Variants in SYT7 observed in about 807,000 individuals in gnomAD.
SYT7 encodes synaptotagmin-7.
Under a neutral mutation model 75.1 loss-of-function variants are expected in SYT7, and 29 were observed. The observed-to-expected ratio is 0.39, with a 90% CI of 0.29 to 0.53. SYT7 has a LOEUF of 0.53. Among genes scored for constraint, SYT7 ranks in the 20% least tolerant of loss-of-function variants. The pLI is 0.77. For missense variants in SYT7, 693 were observed against 953.2 expected, an observed-to-expected ratio of 0.73 and a Z score of 3.59; for synonymous variants, 376 against 401.7, an observed-to-expected ratio of 0.94 and a Z score of 0.76.
chr11:61,562,225 C>A (rs147352179), intron 1 of SYT7, among the ~76,000 whole-genome samples: 88 of 152,282 alleles, frequency 5.8e-4, no homozygotes, highest in African/African-American at 1.9e-3. Flanking sequence ...ATTTCTCCTG[C>A]CTCTGAGTTC....
chr11:61,556,489 C>T (rs776762252), intron 1 of SYT7, among the ~76,000 whole-genome samples: 5 of 152,202 alleles, frequency 3.3e-5, no homozygotes, highest in Non-Finnish European at 4.4e-5. Context: ...GGATCTGTGC[C>T]GGCCTCCAAA....
At chr11:61,543,317 G>A (rs2063100385) in intron 5 of SYT7, among the ~76,000 whole-genome samples, 1 of 152,158 alleles carries the variant, frequency 6.6e-6, no homozygotes, top group Admixed American at 6.5e-5. Flanking sequence ...GTGCACACAG[G>A]GTGGAACCCA....
In SYT7 at chr11:61,551,482, G is replaced by T. The variant is rs369362536; in HGVS notation, c.136-19C>A. Reference sequence around the variant, plus strand: ...GTTTGCCCTGTGGAGATAGCACTAGGATCACTCCTGGGGAACAGGACTGTA... The same window carrying T: ...GTTTGCCCTGTGGAGATAGCACTAGTATCACTCCTGGGGAACAGGACTGTA... On this transcript the variant is annotated intron_variant, in intron 2 of 12. Coordinates refer to ENST00000539008, the MANE Select transcript of SYT7 (RefSeq NM_001365809.2). This position sits in a 1 kb window ranked among gnomAD's most constrained non-coding sequence, Gnocchi z 5.3. 11 of 1,612,526 alleles carry T rather than the reference G, an allele frequency of 6.8e-6. No homozygotes were observed. The highest frequency in any genetic ancestry group is 1.3e-5 in the African/African-American group (1 of 74,992).
At chr11:61,552,881 C>T (rs1411700246) in intron 2 of SYT7, among the ~76,000 whole-genome samples, 1 of 152,232 alleles carries the variant, frequency 6.6e-6, no homozygotes, top group East Asian at 1.9e-4. Flanking sequence ...CTCATCCCTC[C>T]AGGCTCTCAT....
rs1172853407 is a variant in SYT7, at chr11:61,556,272, A to G, written c.32-65T>C. The G allele has an allele frequency of 1.1e-5, 15 of 1,389,566 alleles. No individual in the cohort carries two copies. In the East Asian group the frequency reaches 3.4e-4, roughly 32 times the overall value. 86.1% of individuals were successfully genotyped at this position (1,389,566 alleles called of 1,614,324 possible). A position where few individuals can be genotyped will look rare whatever the true frequency, so the allele number is the denominator to read the frequency against. On this transcript the variant is annotated intron_variant, in intron 1 of 12. Transcript: ENST00000539008. ...GGCCTGCCACCCTCCCTCAGCCCAG[A>G]GCCCTCCAGAACCACCACCCTACCC...
chr11:61,547,045 G>C, intron 4 of SYT7, 132 bp downstream of exon 4: 1 of 1,171,830 alleles, frequency 8.5e-7, no homozygotes. Context: ...GTGGATGGGT[G>C]GGGAAGTTGG....
chr11:61,562,055 CACACACACACACGCACGCACGT>C (rs1407771197), intron 1 of SYT7, among the ~76,000 whole-genome samples: 2 of 151,546 alleles, frequency 1.3e-5, no homozygotes, highest in Non-Finnish European at 2.9e-5. Context: ...TATGCACACA[CACACACACACACGCACGCACGT>C]ACACACACAC....
intron 1 of SYT7, among the ~76,000 whole-genome samples, chr11:61,566,317 C>A (rs1385833236): frequency 1.3e-5 from 2 of 152,230 alleles, no homozygotes; most frequent in Non-Finnish European, 2.9e-5. Context: ...CCCTACCTCC[C>A]ACAATTCCTG....
chr11:61,587,312 T>G, the SYT7 span, among the ~76,000 whole-genome samples: 3 of 152,174 alleles, frequency 2.0e-5, no homozygotes, highest in African/African-American at 7.2e-5. Context: ...AGTCTGGTAG[T>G]GTGGGGTGGG....
chr11:61,566,116 C>T (rs887984879), intron 1 of SYT7, among the ~76,000 whole-genome samples: 4 of 152,258 alleles, frequency 2.6e-5, no homozygotes, highest in Non-Finnish European at 4.4e-5. Context: ...GCCTTCCCTA[C>T]CTCTGCTGTC....
intron 1 of SYT7, among the ~76,000 whole-genome samples, chr11:61,565,250 G>A (rs1006145714): frequency 6.6e-6 from 1 of 152,198 alleles, no homozygotes; most frequent in East Asian, 1.9e-4. Context: ...CTGAGCAGAT[G>A]GAAATGGGGG....
chr11:61,533,252 C>T (rs376170240), intron 7 of SYT7, 128 bp from the exon 8 acceptor site: 35 of 1,446,418 alleles, frequency 2.4e-5, no homozygotes, highest in Non-Finnish European at 3.0e-5. Context: ...CCGGCAGGAG[C>T]GGTACTCCAG....
At chr11:61,568,011 C>T (rs2063820632) in intron 1 of SYT7, among the ~76,000 whole-genome samples, 1 of 152,226 alleles carries the variant, frequency 6.6e-6, no homozygotes, top group South Asian at 2.1e-4. Context: ...CTTGTTTAAA[C>T]AAACACCAAC....
upstream of SYT7, among the ~76,000 whole-genome samples, chr11:61,582,663 GA>G (rs1044102216): frequency 3.0e-4 from 46 of 152,196 alleles, 1 homozygote; most frequent in Middle Eastern, 0.014. Flanking sequence ...AAAATGGAAG[GA>G]AAAAAGGCAT....
chr11:61,561,349 G>A (rs1294503966), intron 1 of SYT7, among the ~76,000 whole-genome samples: 2 of 152,226 alleles, frequency 1.3e-5, no homozygotes, highest in Admixed American at 1.3e-4. Context: ...TGTCTTGGGA[G>A]TGAGGTATGA....
intron 1 of SYT7, among the ~76,000 whole-genome samples, chr11:61,573,780 C>T (rs1228096615): frequency 1.3e-5 from 2 of 152,160 alleles, no homozygotes; most frequent in Admixed American, 6.5e-5. Context: ...GTGCTGTCCC[C>T]ACCTCACCAA....
At chr11:61,583,094 G>T (rs1288631960), upstream of SYT7, among the ~76,000 whole-genome samples, 2 of 152,000 alleles carry the variant, frequency 1.3e-5, no homozygotes, top group African/African-American at 4.8e-5. Flanking sequence ...CAGTGTAGTG[G>T]TGCGCCCCTG....
At position 61,530,544 on chromosome 11, in the gene SYT7, G is replaced by A. The variant is rs560514560; in HGVS notation, c.1201-2359C>T. 6.6e-5 allele frequency among the ~76,000 whole-genome samples: 10 copies of A among 152,130 alleles called. 1 individual carries two copies. The highest frequency in any genetic ancestry group is 6.2e-4 in the South Asian group (3 of 4,830). ...GGTTCCTTCTAGAGTTCTGCCCCGC[G>A]ACCTGACCCACTGGCAGAGGGATCG... On this transcript the variant is annotated intron_variant, in intron 8 of 12. Coordinates refer to ENST00000539008, the MANE Select transcript of SYT7 (RefSeq NM_001365809.2).
chr11:61,533,812 G>T, intron 7 of SYT7: 1 of 312,084 alleles, frequency 3.2e-6, no homozygotes, highest in Non-Finnish European at 4.7e-6. Flanking sequence ...TTGAATGTAA[G>T]CTCATTTAGT....
Sources: allele counts gnomAD v4.1 joint callset (sites outside exome capture counted in the v4.1 genomes callset), GRCh38; gene constraint gnomAD v4.1.1; non-coding constraint Gnocchi (gnomAD v3.1); transcripts MANE v1.5; gene names NCBI Gene and HGNC (gene_info 2026-07-23, HGNC 2026-07-21).